Variants in TMPRSS9 observed in about 807,000 individuals in gnomAD.
TMPRSS9 encodes the protein transmembrane serine protease 9.
In TMPRSS9, 113 loss-of-function variants were observed where a neutral mutation model predicts 111.4. That is an observed-to-expected ratio of 1.01 (90% CI 0.87 to 1.19). The LOEUF (loss-of-function observed/expected upper bound fraction) is 1.19, where lower values mean the gene tolerates loss of function less well. Among genes scored for constraint, TMPRSS9 ranks in the 50% most tolerant of loss-of-function variants. The pLI is 0.00. For missense variants in TMPRSS9, 1,803 were observed against 1,513.1 expected, an observed-to-expected ratio of 1.19 and a Z score of -3.18; for synonymous variants, 805 against 659.1, an observed-to-expected ratio of 1.22 and a Z score of -3.39.
intron 1 of TMPRSS9, among the ~76,000 whole-genome samples, chr19:2,382,238 A>G (rs2033258): frequency 0.5 from 76,553 of 151,874 alleles, 21,371 homozygotes; most frequent in African/African-American, 0.74. Flanking sequence ...TCTGCCTCTG[A>G]GGTTCAAGTG....
In TMPRSS9 at chr19:2,408,412, C is replaced by T. The variant is rs184338854; in HGVS notation, c.899C>T (p.Ser300Leu). ...GTGGGTGCGACCTACCTCAGCGGCT[C>T]GGAGGCCAGCACCGTGCGGGCCCAG... Residue 300 changes from serine (S) to leucine (L), a missense_variant, in exon 8 of 18, where the codon TCG (serine) becomes TTG (leucine). Transcript: ENST00000648592. 6.6e-5 allele frequency: 106 copies of T among 1,613,802 alleles called. No individual in the cohort carries two copies. The highest frequency in any genetic ancestry group is 3.6e-4 in the East Asian group (16 of 44,876).
At chr19:2,368,959 T>G (rs143076664) in intron 1 of TMPRSS9, among the ~76,000 whole-genome samples, 4,890 of 149,990 alleles carry the variant, frequency 0.033, 304 homozygotes, top group African/African-American at 0.11. Flanking sequence ...TAATTCTTTT[T>G]TTTTTTTTTG....
intron 10 of TMPRSS9, among the ~76,000 whole-genome samples, chr19:2,414,617 T>C (rs1169652949): frequency 2.0e-5 from 3 of 151,856 alleles, no homozygotes; most frequent in Non-Finnish European, 4.4e-5. Context: ...GGCTCGTGCC[T>C]GTCATCGCAC....
At chr19:2,379,674 T>TTTCTTTCTTTCTTTCTTTCTTTCC (rs1599278677) in intron 1 of TMPRSS9, among the ~76,000 whole-genome samples, 1 of 149,070 alleles carries the variant, frequency 6.7e-6, no homozygotes, top group East Asian at 2.0e-4. Context: ...TCTTTCTTTC[T>TTTCTTTCTTTCTTTCTTTCTTTCC]TTCTCTTTTT....
chr19:2,368,492 G>A (rs1970263999), intron 1 of TMPRSS9, among the ~76,000 whole-genome samples: 1 of 152,192 alleles, frequency 6.6e-6, no homozygotes, highest in African/African-American at 2.4e-5. Flanking sequence ...GGAGGGAGGG[G>A]TTGGAGATGA....
intron 1 of TMPRSS9, among the ~76,000 whole-genome samples, chr19:2,378,556 A>T (rs1970356670): frequency 6.6e-6 from 1 of 152,118 alleles, no homozygotes; most frequent in South Asian, 2.1e-4. Flanking sequence ...CATCTCTACT[A>T]AAAATACAAA....
chr19:2,399,551 G>A (rs936579689), intron 4 of TMPRSS9, among the ~76,000 whole-genome samples: 1 of 151,980 alleles, frequency 6.6e-6, no homozygotes, highest in African/African-American at 2.4e-5. Context: ...ACTCCAGCCT[G>A]GGCAAAAAGA....
At position 2,418,141 on chromosome 19, in the gene TMPRSS9, A is replaced by T. The variant is rs955599326; in HGVS notation, c.2154+3A>T. ...AAGGCAAAGTCGACTCCTGCCAGGT[A>T]AGCATTCAAAGGGGGAAAGCGGGCA... On this transcript the variant is annotated splice_donor_region_variant and intron_variant, in intron 13 of 17. Transcript: ENST00000648592. 3 of 1,610,916 alleles carry T rather than the reference A, an allele frequency of 1.9e-6. No homozygotes were observed. The Admixed American group carries it at 5.0e-5, about 27-fold the overall frequency.
rs529874237 is a variant in TMPRSS9, at chr19:2,411,594, C to T, written c.1254+1200C>T. Among the ~76,000 whole-genome samples the T allele has an allele frequency of 1.8e-4, 27 of 152,052 alleles. No individual in the cohort carries two copies. The South Asian group carries it at 3.5e-3, about 20-fold the overall frequency. ...TGTATTTTTAATTAAGACACTGTCT[C>T]GCTCTGTCACCCAGGCTGGAGTGCA... On this transcript the variant is annotated intron_variant, in intron 9 of 17. Transcript: ENST00000648592.
At chr19:2,362,413 GTGTA>G (rs1375325670) in intron 1 of TMPRSS9, among the ~76,000 whole-genome samples, 2 of 151,958 alleles carry the variant, frequency 1.3e-5, no homozygotes, top group African/African-American at 4.8e-5. Context: ...GTGTAATTGT[GTGTA>G]TGGGTGTGTG....
exon 3 of TMPRSS9, chr19:2,398,829 C>G (rs1486881105): frequency 2.0e-6 from 3 of 1,499,326 alleles, no homozygotes; most frequent in Admixed American, 2.0e-5. Context: ...GAGTTAGAGG[C>G]AAGCTGCGTG....
At chr19:2,379,752 T>C (rs1332152358) in intron 1 of TMPRSS9, among the ~76,000 whole-genome samples, 1 of 147,478 alleles carries the variant, frequency 6.8e-6, no homozygotes, top group African/African-American at 2.5e-5. Flanking sequence ...CTCTCTCTCA[T>C]TCTCTCTTTT....
At chr19:2,386,313 G>A (rs1423235036), upstream of TMPRSS9, among the ~76,000 whole-genome samples, 1 of 151,844 alleles carries the variant, frequency 6.6e-6, no homozygotes, top group African/African-American at 2.4e-5. Flanking sequence ...AGACCATCCT[G>A]GCTAACATGG....
intron 1 of TMPRSS9, among the ~76,000 whole-genome samples, chr19:2,369,404 C>A (rs184298305): frequency 1.3e-3 from 197 of 151,676 alleles, no homozygotes; most frequent in Middle Eastern, 3.4e-3. Context: ...ATTTAAGAAG[C>A]CTGTTAATGA....
chr19:2,360,523 G>A (rs1478560665), intron 1 of TMPRSS9, among the ~76,000 whole-genome samples, 163 bp downstream of exon 1: 2 of 152,200 alleles, frequency 1.3e-5, no homozygotes, highest in Admixed American at 6.5e-5. Context: ...ACACCACCGG[G>A]GTTGTGGAGA....
intron 13 of TMPRSS9, among the ~76,000 whole-genome samples, chr19:2,419,522 C>CTT (rs796669347): frequency 4.6e-5 from 6 of 131,464 alleles, no homozygotes; most frequent in African/African-American, 1.7e-4. Flanking sequence ...TTTCTTTTTC[C>CTT]TTTTTTTTTT....
intron 8 of TMPRSS9, among the ~76,000 whole-genome samples, chr19:2,409,011 T>TAATAAG (rs1971036625): frequency 7.2e-6 from 1 of 139,110 alleles, no homozygotes; most frequent in Admixed American, 7.4e-5. Flanking sequence ...ATAATAATAA[T>TAATAAG]AATAATAATA....
chr19:2,361,466 C>T (rs909428943), intron 1 of TMPRSS9, among the ~76,000 whole-genome samples: 3 of 151,930 alleles, frequency 2.0e-5, no homozygotes, highest in Admixed American at 6.5e-5. Flanking sequence ...GGAGCCGCTT[C>T]TGAGTAAACA....
intron 17 of TMPRSS9, 169 bp from the exon 19 acceptor site, chr19:2,425,758 G>A (rs1393179249): frequency 1.7e-6 from 2 of 1,174,522 alleles, no homozygotes; most frequent in African/African-American, 3.2e-5. Context: ...GGACCACGTG[G>A]CGGGTGTCCA....
Sources: allele counts gnomAD v4.1 joint callset (sites outside exome capture counted in the v4.1 genomes callset), GRCh38; gene constraint gnomAD v4.1.1; transcripts MANE v1.5; gene names NCBI Gene and HGNC (gene_info 2026-07-23, HGNC 2026-07-21).